The following PCDHGB1 variants were observed in gnomAD, a reference collection of about 807,000 sequenced individuals.
PCDHGB1 encodes protocadherin gamma subfamily B, 1, also known as protocadherin gamma-B1.
Under a neutral mutation model 56.6 loss-of-function variants are expected in PCDHGB1, and 34 were observed. That is an observed-to-expected ratio of 0.60 (90% CI 0.46 to 0.80). The LOEUF (loss-of-function observed/expected upper bound fraction) is 0.80. Among genes scored for constraint, PCDHGB1 ranks in the 30% least tolerant of loss-of-function variants. The pLI is 0.00. For synonymous variants in PCDHGB1, 561 were observed against 505.9 expected, an observed-to-expected ratio of 1.11 and a Z score of -1.46; for missense variants, 1,278 against 1,204.6, an observed-to-expected ratio of 1.06 and a Z score of -0.90.
intron 1 of PCDHGB1, chr5:141,364,858 G>A (rs199575653): frequency 5.2e-5 from 84 of 1,613,888 alleles, no homozygotes; most frequent in Admixed American, 5.0e-4. Flanking sequence ...GCTCCAATCT[G>A]CACTTCTCTC....
rs748605515 is a variant in PCDHGB1 at position 141,486,688 on chromosome 5, C to T, written c.2410-8119C>T. ...CCAGGAATCGAGATGTATCAGCTTC[C>T]TCTTTCATCTCTCTGAACCCCCAGA... On this transcript the variant is annotated intron_variant, in intron 1 of 3. Transcript: ENST00000523390. The surrounding 1 kb of genome is among the most constrained non-coding windows in gnomAD (Gnocchi z 5.0). 2 of 1,614,170 alleles carry T rather than the reference C, an allele frequency of 1.2e-6. No individual in the cohort carries two copies. The highest frequency in any genetic ancestry group is 1.1e-5 in the South Asian group (1 of 91,086).
chr5:141,374,130 T>C, intron 1 of PCDHGB1: 3 of 1,604,204 alleles, frequency 1.9e-6, no homozygotes, highest in Non-Finnish European at 1.7e-6. Flanking sequence ...CAGGTCCTGC[T>C]CCTCACGCTC....
intron 1 of PCDHGB1, chr5:141,362,513 A>G: frequency 6.2e-7 from 1 of 1,613,982 alleles, no homozygotes; most frequent in South Asian, 1.1e-5. Context: ...AATACAAATC[A>G]TGGAGCCGCT....
At chr5:141,475,762 G>A (rs4151701) in intron 1 of PCDHGB1, among the ~76,000 whole-genome samples, 9,255 of 152,346 alleles carry the variant, frequency 0.061, 562 homozygotes, top group African/African-American at 0.16. Context: ...CACCGATACT[G>A]GCAAGGCGCT....
At chr5:141,421,531 T>G (rs1318944446) in intron 1 of PCDHGB1, 1 of 1,613,904 alleles carries the variant, frequency 6.2e-7, no homozygotes, top group Non-Finnish European at 8.5e-7. Flanking sequence ...GACGGTGTCC[T>G]CCTGTTTTTT....
chr5:141,511,641 A>C lies in PCDHGB1; in HGVS notation c.*468A>C. On this transcript the variant is annotated 3_prime_UTR_variant, in exon 4 of 4. Transcript: ENST00000523390. ...TCTGAAAAGTTGGAAGGGCATCATG[A>C]CCTCTTGGCCTCTCCTTTGATTCTC... 1 of 224,930 alleles carries C rather than the reference A, an allele frequency of 4.4e-6. No homozygotes were observed. The allele number at this position is 224,930 out of a possible 1,614,324, so 13.9% of individuals were successfully genotyped here. A position where few individuals can be genotyped will look rare whatever the true frequency, so the allele number is the denominator to read the frequency against.
intron 1 of PCDHGB1, among the ~76,000 whole-genome samples, chr5:141,430,143 A>C (rs1451633366): frequency 2.0e-5 from 3 of 152,180 alleles, no homozygotes; most frequent in Non-Finnish European, 4.4e-5. Flanking sequence ...TCCATTCAGG[A>C]TCATTCAAGG....
At chr5:141,384,494 T>C in intron 1 of PCDHGB1, 1 of 1,613,972 alleles carries the variant, frequency 6.2e-7, no homozygotes, top group African/African-American at 1.3e-5. Flanking sequence ...CAACTAAGAG[T>C]GACTGCACAT....
At chr5:141,385,129 G>T in intron 1 of PCDHGB1, 1 of 1,614,200 alleles carries the variant, frequency 6.2e-7, no homozygotes, top group South Asian at 1.1e-5. Context: ...TGTGGGCATG[G>T]ACGGGGTGCA....
intron 2 of PCDHGB1, among the ~76,000 whole-genome samples, chr5:141,502,866 C>CTTTTTCTT (rs2099816520): frequency 1.6e-5 from 2 of 128,030 alleles, no homozygotes; most frequent in African/African-American, 6.2e-5. Flanking sequence ...GACTCTCTGT[C>CTTTTTCTT]TTTTTTTTTT....
rs752301399 is a variant in PCDHGB1, at chr5:141,357,057, G to A, written c.2409+4388G>A. On this transcript the variant is annotated intron_variant, in intron 1 of 3. Transcript: ENST00000523390. ...CCAGCGAGCCGGGACTATTTGCAGTGGGGCTGCACACAGGCGAGGTGCGCA... is the reference window on the plus strand; with the variant it reads ...CCAGCGAGCCGGGACTATTTGCAGTAGGGCTGCACACAGGCGAGGTGCGCA... 1.2e-5 allele frequency: 19 copies of A among 1,614,020 alleles called. No individual in the cohort carries two copies. In the South Asian group the frequency reaches 2.1e-4, roughly 18 times the overall value.
At chr5:141,502,499 C>A (rs552402476) in intron 2 of PCDHGB1, among the ~76,000 whole-genome samples, 12 of 152,122 alleles carry the variant, frequency 7.9e-5, no homozygotes, top group Non-Finnish European at 2.9e-5. Flanking sequence ...CATCTAACGT[C>A]GGCCTGTCCC....
intron 1 of PCDHGB1, chr5:141,423,244 C>T: frequency 1.2e-6 from 2 of 1,613,984 alleles, no homozygotes; most frequent in Non-Finnish European, 1.7e-6. Context: ...CCCCGAAGTC[C>T]TGGCGGACCT....
chr5:141,488,915 G>A (rs942297924), intron 1 of PCDHGB1, among the ~76,000 whole-genome samples: 12 of 152,180 alleles, frequency 7.9e-5, no homozygotes, highest in Non-Finnish European at 2.9e-5. Flanking sequence ...TGTTCCCAAG[G>A]TTTCCAGGAT....
chr5:141,428,310 G>A (rs2097132610), intron 1 of PCDHGB1: 1 of 671,630 alleles, frequency 1.5e-6, no homozygotes, highest in Admixed American at 2.2e-5. Context: ...ACCTGGTCGT[G>A]GCCTTGGCCT....
At chr5:141,352,818 G>A (rs1384661178) in intron 1 of PCDHGB1, 149 bp downstream of exon 1, 6 of 812,554 alleles carry the variant, frequency 7.4e-6, no homozygotes, top group Admixed American at 2.8e-5. Flanking sequence ...GGTAAAACCC[G>A]GTCTACTAAA....
intron 1 of PCDHGB1, chr5:141,392,226 A>C (rs1468453380): frequency 1.3e-5 from 2 of 152,228 alleles, no homozygotes; most frequent in Non-Finnish European, 2.9e-5. Flanking sequence ...GTGACAACTG[A>C]AGTTCTTAGT....
chr5:141,432,178 T>C lies in PCDHGB1; in HGVS notation c.2410-62629T>C. Reference sequence around the variant, plus strand: ...ATCCCAGAGGAGTTTCCCTCGTCTCTGTGACCGCCCACGACCCCGACTGTG... The same window carrying C: ...ATCCCAGAGGAGTTTCCCTCGTCTCCGTGACCGCCCACGACCCCGACTGTG... On this transcript the variant is annotated intron_variant, in intron 1 of 3. Transcript: ENST00000523390. The surrounding 1 kb of genome is among the most constrained non-coding windows in gnomAD (Gnocchi z 6.0). 6.2e-7 allele frequency: 1 copy of C among 1,614,184 alleles called. No individual in the cohort carries two copies. The highest frequency in any genetic ancestry group is 8.5e-7 in the Non-Finnish European group (1 of 1,180,036).
chr5:141,486,714 C>G lies in PCDHGB1; in HGVS notation c.2410-8093C>G. On this transcript the variant is annotated intron_variant, in intron 1 of 3. Transcript: ENST00000523390. This position sits in a 1 kb window ranked among gnomAD's most constrained non-coding sequence, Gnocchi z 5.0. ...TCTTTCATCTCTCTGAACCCCCAGA[C>G]AGGAGCTGTTCATGCTACTCGATCC... 1.2e-6 allele frequency: 2 copies of G among 1,614,216 alleles called. No individual in the cohort carries two copies. Among genetic ancestry groups the G allele is most frequent in the African/African-American group, 1.3e-5 (1 of 75,062 alleles).
Sources: allele counts gnomAD v4.1 joint callset (sites outside exome capture counted in the v4.1 genomes callset), GRCh38; gene constraint gnomAD v4.1.1; non-coding constraint Gnocchi (gnomAD v3.1); transcripts MANE v1.5; gene names NCBI Gene and HGNC (gene_info 2026-07-23, HGNC 2026-07-21).